ZNF267: variants seen among roughly 807,000 people sequenced by gnomAD.
ZNF267 encodes zinc finger (C2H2).
ZNF267 carries 61 observed loss-of-function variants against 71.6 expected under a neutral mutation model. The observed-to-expected ratio is 0.85, with a 90% confidence interval of 0.69 to 1.05. ZNF267 has a LOEUF of 1.05. ZNF267 is among the 50% of genes least tolerant of loss of function. The pLI is 0.00. For synonymous variants in ZNF267, 288 were observed against 293.2 expected, an observed-to-expected ratio of 0.98 and a Z score of 0.18; for missense variants, 852 against 870.0, an observed-to-expected ratio of 0.98 and a Z score of 0.26.
intron 3 of ZNF267, among the ~76,000 whole-genome samples, chr16:31,886,564 C>T (rs549733582): frequency 3.9e-5 from 6 of 152,296 alleles, no homozygotes; most frequent in South Asian, 4.1e-4. Context: ...ACCCCCGACT[C>T]GACCTCCATC....
chr16:31,898,178 T>C (rs1220851894), intron 3 of ZNF267, among the ~76,000 whole-genome samples: 4 of 152,172 alleles, frequency 2.6e-5, no homozygotes, highest in African/African-American at 9.6e-5. Flanking sequence ...CTAATGCTTG[T>C]TATAGCTTTC....
At chr16:31,888,811 T>G (rs2083940728) in intron 3 of ZNF267, among the ~76,000 whole-genome samples, 1 of 152,058 alleles carries the variant, frequency 6.6e-6, no homozygotes, top group African/African-American at 2.4e-5. Context: ...GTATGAGATG[T>G]TGGTGGTCTC....
In ZNF267 at chr16:31,909,120, C is replaced by CT. The variant is rs34409182; in HGVS notation, c.227-5330dup. Among the ~76,000 whole-genome samples the CT allele has an allele frequency of 4.4e-3, 201 of 45,334 alleles. 13 individuals carry two copies. Among genetic ancestry groups the CT allele is most frequent in the African/African-American group, 0.016 (192 of 11,662 alleles). 29.7% of individuals were successfully genotyped at this position (45,334 alleles called of 152,430 possible). On this transcript the variant is annotated intron_variant, in intron 3 of 3. Transcript: ENST00000300870. ...TTCTATCTTCTATTTCTTTTCTTTT[C>CT]TTTTTTTTTTTTTTTTTTTTTTTTT...
At chr16:31,897,647 T>G (rs2084009999) in intron 3 of ZNF267, among the ~76,000 whole-genome samples, 1 of 152,154 alleles carries the variant, frequency 6.6e-6, no homozygotes, top group South Asian at 2.1e-4. Context: ...TATTGATATT[T>G]TGATAGAGAG....
At chr16:31,912,581 T>TA (rs1193985719) in intron 3 of ZNF267, 1 of 151,746 alleles carries the variant, frequency 6.6e-6, no homozygotes, top group Admixed American at 6.6e-5. Context: ...GATATCTTTA[T>TA]AGATTTGGGA....
chr16:31,907,385 T>C lies in ZNF267; in HGVS notation c.227-7091T>C, dbSNP rs559364565. Among the ~76,000 whole-genome samples, 26 of 152,310 alleles carry C rather than the reference T, an allele frequency of 1.7e-4. 1 individual carries two copies. The South Asian group carries it at 2.1e-3, about 12-fold the overall frequency. ...CCTTCATTTTTTAATCCTGTTTGCC[T>C]TCCTGACTTCAAAATTTCAAATGAC... On this transcript the variant is annotated intron_variant, in intron 3 of 3. Transcript: ENST00000300870.
chr16:31,875,122 AC>A, intron 1 of ZNF267: 1 of 1,288,982 alleles, frequency 7.8e-7, no homozygotes, highest in South Asian at 1.2e-5. Flanking sequence ...ATGTCTTTTG[AC>A]TTGAGGTTTT....
In ZNF267 at chr16:31,914,642, A is replaced by T. The variant is rs145533392; in HGVS notation, c.393A>T (p.Glu131Asp). 84 of 1,613,924 alleles carry T rather than the reference A, an allele frequency of 5.2e-5. No homozygotes were observed. Among genetic ancestry groups the T allele is most frequent in the Non-Finnish European group, 6.0e-5 (71 of 1,179,994 alleles). Reference sequence around the variant, plus strand: ...AAGGGCACAATGGATGTTATGATGAAAAGACTTTTAAATATGATCAATTTG... The same window carrying T: ...AAGGGCACAATGGATGTTATGATGATAAGACTTTTAAATATGATCAATTTG... ...ECEGHNGCYD[E>D]KTFKYDQFDE... The change falls in exon 4 of 4, where the codon GAA becomes GAT. Residue 131 changes from glutamate to aspartate, a missense_variant. Glu to Asp is a conservative substitution (Grantham distance 45). Transcript: ENST00000300870.
At chr16:31,908,199 T>G (rs2084107473) in intron 3 of ZNF267, among the ~76,000 whole-genome samples, 1 of 152,186 alleles carries the variant, frequency 6.6e-6, no homozygotes, top group South Asian at 2.1e-4. Context: ...TAGTTTGGGT[T>G]TTTTTGAGAA....
Position 31,885,051 on chromosome 16 carries a change from C to T in ZNF267, c.131-110C>T, listed in dbSNP as rs1471573548. 6 of 746,868 alleles carry T rather than the reference C, an allele frequency of 8.0e-6. No homozygotes were observed. In the African/African-American group the frequency reaches 1.1e-4, roughly 14 times the overall value. 46.3% of individuals were successfully genotyped at this position (746,868 alleles called of 1,614,324 possible). On this transcript the variant is annotated intron_variant, in intron 2 of 3. Coordinates refer to ENST00000300870, the MANE Select transcript of ZNF267 (RefSeq NM_003414.6). ...AATGTCTTATTTTTTCTACTGAGCA[C>T]AGTACTAAGTTAGAAATTAATCCTG... is the stretch of plus-strand genomic sequence containing the variant.
chr16:31,880,976 T>G (rs1358610770), intron 1 of ZNF267, among the ~76,000 whole-genome samples: 2 of 152,200 alleles, frequency 1.3e-5, no homozygotes, highest in African/African-American at 4.8e-5. Flanking sequence ...TACAGGGAAC[T>G]TGGGCTTGAT....
chr16:31,898,262 A>G (rs972009069), intron 3 of ZNF267, among the ~76,000 whole-genome samples: 7 of 152,102 alleles, frequency 4.6e-5, no homozygotes, highest in African/African-American at 1.7e-4. Context: ...GATGTAATGT[A>G]TATTTTGTCT....
chr16:31,877,718 G>A (rs188944614), intron 1 of ZNF267, among the ~76,000 whole-genome samples: 1 of 152,256 alleles, frequency 6.6e-6, no homozygotes, highest in African/African-American at 2.4e-5. Context: ...TCATAATAGG[G>A]TTGTTTTTTG....
intron 3 of ZNF267, among the ~76,000 whole-genome samples, chr16:31,902,364 A>C (rs1291772793): frequency 6.6e-6 from 1 of 152,102 alleles, no homozygotes; most frequent in Non-Finnish European, 1.5e-5. Context: ...GATGGCATTG[A>C]ATCTGTAAAT....
At chr16:31,900,756 T>TC (rs2084033770) in intron 3 of ZNF267, among the ~76,000 whole-genome samples, 1 of 111,128 alleles carries the variant, frequency 9.0e-6, no homozygotes, top group Non-Finnish European at 2.0e-5. Flanking sequence ...AAGAATTCTT[T>TC]CTTTTTTTTT....
intron 3 of ZNF267, among the ~76,000 whole-genome samples, chr16:31,908,050 A>G (rs903977180): frequency 4.6e-5 from 7 of 152,084 alleles, no homozygotes; most frequent in Admixed American, 4.6e-4. Context: ...CTCAAAAAAA[A>G]AAAATAATAC....
At position 31,913,127 on chromosome 16, in the gene ZNF267, G is replaced by A. The variant is rs182133698; in HGVS notation, c.227-1349G>A. On this transcript the variant is annotated intron_variant, in intron 3 of 3. Coordinates refer to ENST00000300870, the MANE Select transcript of ZNF267 (RefSeq NM_003414.6). ...TTGTAGCCTTCGCAGTCTGGGCTTT[G>A]TGTCCACCCTTGTTGGGAAGGCTTT... 3.3e-5 allele frequency: 5 copies of A among 152,290 alleles called. No individual in the cohort carries two copies. The East Asian group carries it at 7.7e-4, about 24-fold the overall frequency. The allele number at this position is 152,290 out of a possible 1,614,324, so 9.4% of individuals were successfully genotyped here.
chr16:31,893,309 T>C (rs1567475105), intron 3 of ZNF267, among the ~76,000 whole-genome samples: 1 of 152,222 alleles, frequency 6.6e-6, no homozygotes, highest in Non-Finnish European at 1.5e-5. Flanking sequence ...ACCCTGGGCC[T>C]GACCCAGGAA....
chr16:31,895,736 A>AT (rs1246366398), intron 3 of ZNF267, among the ~76,000 whole-genome samples: 2 of 152,146 alleles, frequency 1.3e-5, no homozygotes, highest in South Asian at 2.1e-4. Flanking sequence ...GATTTTGAGC[A>AT]TTTTTTATGT....
Sources: allele counts gnomAD v4.1 joint callset (sites outside exome capture counted in the v4.1 genomes callset), GRCh38; gene constraint gnomAD v4.1.1; transcripts MANE v1.5; gene names NCBI Gene and HGNC (gene_info 2026-07-23, HGNC 2026-07-21).